HEG1: variants seen among roughly 807,000 people sequenced by gnomAD.
The protein encoded by HEG1 is protein HEG homolog 1.
A neutral mutation model predicts 125.6 loss-of-function variants in HEG1; 56 were observed. That is an observed-to-expected ratio of 0.45 (90% CI 0.36 to 0.56). HEG1 has a LOEUF of 0.56. Among genes scored for constraint, HEG1 ranks in the 20% least tolerant of loss-of-function variants. The pLI is 0.00. For synonymous variants in HEG1, 644 were observed against 668.5 expected, an observed-to-expected ratio of 0.96 and a Z score of 0.57; for missense variants, 1,523 against 1,670.0, an observed-to-expected ratio of 0.91 and a Z score of 1.53.
At chr3:124,999,728 C>T (rs1936973881) in intron 11 of HEG1, among the ~76,000 whole-genome samples, 1 of 152,238 alleles carries the variant, frequency 6.6e-6, no homozygotes, top group Admixed American at 6.5e-5. Flanking sequence ...CGTAGAATCC[C>T]ATTTTCATAT....
At chr3:125,033,404 A>C (rs1428981178) in intron 1 of HEG1, among the ~76,000 whole-genome samples, 1 of 152,154 alleles carries the variant, frequency 6.6e-6, no homozygotes, top group African/African-American at 2.4e-5. Context: ...TAAAGCTGGG[A>C]CTTTACACAG....
chr3:124,973,951 T>C, intron 15 of HEG1, 46 bp from the exon 16 acceptor site: 1 of 1,332,884 alleles, frequency 7.5e-7, no homozygotes, highest in Non-Finnish European at 1.1e-6. Flanking sequence ...CGTAAAGAAG[T>C]GATACTGTGA....
At position 125,002,279 on chromosome 3, in the gene HEG1, G is replaced by A. The variant is rs772126357; in HGVS notation, c.3334C>T (p.Arg1112Ter). The A allele has an allele frequency of 5.6e-6, 9 of 1,613,406 alleles. No homozygotes were observed. The highest frequency in any genetic ancestry group is 5.0e-5 in the Admixed American group (3 of 59,954). ...TACCTAGAGGCGTGAACTGTAGATC[G>A]GATGTAACTAGGTAACGCTGAAAAA... is the stretch of plus-strand genomic sequence containing the variant. Reference protein sequence around the residue: ...MCFSALPSYIRSTVHASRESN... With the variant: ...MCFSALPSYI The change falls in exon 10 of 17, where the codon CGA (arginine) becomes TGA (stop). Residue 1112 changes from arginine (R) to a stop codon, truncating the protein, a stop_gained. Coordinates refer to ENST00000311127, the MANE Select transcript of HEG1 (RefSeq NM_020733.2). LOFTEE classifies it high-confidence loss of function.
At chr3:125,007,891 A>C (rs1444226209) in intron 8 of HEG1, among the ~76,000 whole-genome samples, 37 of 152,200 alleles carry the variant, frequency 2.4e-4, no homozygotes, top group Admixed American at 2.4e-3. Context: ...AATGCAAGTA[A>C]ATTATTAGAA....
chr3:125,039,217 G>A (rs2107711299), intron 1 of HEG1, among the ~76,000 whole-genome samples: 1 of 151,928 alleles, frequency 6.6e-6, no homozygotes, highest in East Asian at 1.9e-4. Flanking sequence ...CACTTCTGTA[G>A]CGTCTTAATG....
intron 1 of HEG1, among the ~76,000 whole-genome samples, chr3:125,030,078 C>T (rs1171277719): frequency 6.6e-6 from 1 of 152,124 alleles, no homozygotes; most frequent in Non-Finnish European, 1.5e-5. Flanking sequence ...ACCTCTGGCA[C>T]CTGTGCAGGG....
rs1044751330 is a variant in HEG1, at chr3:125,027,432, C to T, written c.686G>A (p.Gly229Glu). 3.1e-6 allele frequency: 5 copies of T among 1,613,824 alleles called. No homozygotes were observed. The East Asian group carries it at 8.9e-5, about 29-fold the overall frequency. Residue 229 changes from glycine to glutamate, a missense_variant, in exon 3 of 17, where the codon GGA (glycine) becomes GAA (glutamate). Gly to Glu is a moderately conservative substitution (Grantham distance 98). Coordinates refer to ENST00000311127, the MANE Select transcript of HEG1 (RefSeq NM_020733.2). ...ERIAAFQTKS[G>E]TASEMGTERA... Reference sequence around the variant, plus strand: ...CTCTGTTCCCATCTCCGAGGCTGTTCCACTCTTTGTTTGAAAAGCGGCAAT... The same window carrying T: ...CTCTGTTCCCATCTCCGAGGCTGTTTCACTCTTTGTTTGAAAAGCGGCAAT...
rs1415096215 is a variant in HEG1 at position 124,967,536 on chromosome 3, A to T, written c.*3116T>A. 2.6e-5 allele frequency: 4 copies of T among 151,432 alleles called. No homozygotes were observed. Among genetic ancestry groups the T allele is most frequent in the Non-Finnish European group, 4.4e-5 (3 of 67,970 alleles). The allele number at this position is 151,432 out of a possible 1,614,324, so 9.4% of individuals were successfully genotyped here. The stretch of plus-strand genomic sequence containing the variant: ...AATAATATTAAGGTTCCTTAAAAAA[A>T]TAACTTATCTTTAAAGCCCTTTCTC... On this transcript the variant is annotated 3_prime_UTR_variant, in exon 17 of 17. Coordinates refer to ENST00000311127, the MANE Select transcript of HEG1 (RefSeq NM_020733.2).
At position 125,055,835 on chromosome 3, in the gene HEG1, G is replaced by T; in HGVS notation, c.56C>A (p.Pro19Gln). 4.1e-6 allele frequency: 4 copies of T among 980,450 alleles called. No homozygotes were observed. Among genetic ancestry groups the T allele is most frequent in the African/African-American group, 1.8e-5 (1 of 56,766 alleles). 60.7% of individuals were successfully genotyped at this position (980,450 alleles called of 1,614,324 possible). A position where few individuals can be genotyped will look rare whatever the true frequency, so the allele number is the denominator to read the frequency against. ...GGCCGCCGGCGGCAGCAGCAGCAGC[G>T]GCAGCAACAGCAGCAGGAGCGGCGG... ...WPPPLLLLLL[P>Q]LLLLPPAAPG... is the part of the protein sequence containing the mutation. Residue 19 changes from proline (P) to glutamine (Q), a missense_variant, in exon 1 of 17, where the codon CCG (proline) becomes CAG (glutamine). Physicochemically the swap from Pro to Gln is moderately conservative, Grantham distance 76. Transcript: ENST00000311127.
intron 1 of HEG1, among the ~76,000 whole-genome samples, chr3:125,050,924 T>C (rs1278588419): frequency 6.6e-6 from 1 of 152,204 alleles, no homozygotes; most frequent in Admixed American, 6.5e-5. Context: ...AGAGCATAGA[T>C]GTTCAAATGA....
At chr3:125,007,897 TA>T (rs918224417) in intron 8 of HEG1, among the ~76,000 whole-genome samples, 3 of 152,166 alleles carry the variant, frequency 2.0e-5, no homozygotes, top group African/African-American at 7.2e-5. Flanking sequence ...AGTAAATTAT[TA>T]GAATAAAAGA....
intron 1 of HEG1, among the ~76,000 whole-genome samples, chr3:125,040,711 CTT>C (rs3061175): frequency 0.19 from 28,245 of 147,840 alleles, 3,253 homozygotes; most frequent in Non-Finnish European, 0.27. Flanking sequence ...AGAAAACAGG[CTT>C]TTTTTTTTTT....
Position 125,021,112 on chromosome 3 carries a change from T to G in HEG1, c.932A>C (p.Lys311Thr), listed in dbSNP as rs1258110078. The G allele has an allele frequency of 6.4e-7, 1 of 1,569,082 alleles. No individual in the cohort carries two copies. The highest frequency in any genetic ancestry group is 8.7e-7 in the Non-Finnish European group (1 of 1,154,560). ...DLSSSSESTEKLNNSTGLQSS... is the reference protein window; with the variant it reads ...DLSSSSESTETLNNSTGLQSS... ...CTGGAGGCCAGTGGAGTTGTTAAGC[T>G]TCTCTGTACTTTCAGAAGCTACAAT... Residue 311 changes from lysine to threonine, a missense_variant, in exon 4 of 17, where the codon AAG (lysine) becomes ACG (threonine). Coordinates refer to ENST00000311127, the MANE Select transcript of HEG1 (RefSeq NM_020733.2).
At position 125,055,817 on chromosome 3, in the gene HEG1, GGCGGCAGCAGCAGCA is replaced by G; in HGVS notation, c.59_73del (p.Leu20_Pro24del). 1 of 979,556 alleles carries G rather than the reference GGCGGCAGCAGCAGCA, an allele frequency of 1.0e-6. No individual in the cohort carries two copies. The highest frequency in any genetic ancestry group is 1.2e-6 in the Non-Finnish European group (1 of 826,330). 60.7% of individuals were successfully genotyped at this position (979,556 alleles called of 1,614,324 possible). On this transcript the variant is annotated inframe_deletion, in exon 1 of 17. Coordinates refer to ENST00000311127, the MANE Select transcript of HEG1 (RefSeq NM_020733.2). ...CGGGTCCCGCGTCCCGGGGGCCGCCGGCGGCAGCAGCAGCAGCGGCAGCAACAGCAGCAGGAGCGG... is the reference window on the plus strand; with the variant it reads ...CGGGTCCCGCGTCCCGGGGGCCGCCGGCGGCAGCAACAGCAGCAGGAGCGG...
At chr3:125,007,078 A>C (rs1937081387) in intron 8 of HEG1, among the ~76,000 whole-genome samples, 1 of 150,440 alleles carries the variant, frequency 6.6e-6, no homozygotes, top group Non-Finnish European at 1.5e-5. Flanking sequence ...GGGCGCCTGT[A>C]GTCCCAGCTA....
At position 125,013,601 on chromosome 3, in the gene HEG1, A is replaced by G; in HGVS notation, c.1978T>C (p.Ser660Pro). The change falls in exon 6 of 17, where the codon TCC becomes CCC. Residue 660 changes from serine (S) to proline (P), a missense_variant. By Grantham distance (74) the Ser-to-Pro change is moderately conservative (BLOSUM62 -1). Transcript: ENST00000311127. ...GAGGAGGAGGAGGAAGAGGAGGAGG[A>G]GGAGTCACTAACAAACTCAGCATCA... ...DTDAEFVSDS[S>P]SSSSSSSSSS... The G allele has an allele frequency of 1.2e-6, 2 of 1,601,848 alleles. No individual in the cohort carries two copies. The highest frequency in any genetic ancestry group is 1.7e-6 in the Non-Finnish European group (2 of 1,174,068).
chr3:125,016,253 A>AC (rs1479425537), intron 5 of HEG1, among the ~76,000 whole-genome samples: 1 of 152,164 alleles, frequency 6.6e-6, no homozygotes. Context: ...CGGGCCAAGA[A>AC]CTCTAAAAGG....
At chr3:125,043,506 C>T (rs769979833) in intron 1 of HEG1, among the ~76,000 whole-genome samples, 9 of 152,040 alleles carry the variant, frequency 5.9e-5, no homozygotes, top group African/African-American at 1.2e-4. Context: ...AACAAAAAGG[C>T]TTTCTGCAGG....
At chr3:125,039,835 C>CAAAAAAAAAAAA (rs71996831) in intron 1 of HEG1, among the ~76,000 whole-genome samples, 2 of 132,400 alleles carry the variant, frequency 1.5e-5, no homozygotes, top group African/African-American at 2.9e-5. Context: ...AGAACAGAGC[C>CAAAAAAAAAAAA]AAAAAAAAAA....
Sources: allele counts gnomAD v4.1 joint callset (sites outside exome capture counted in the v4.1 genomes callset), GRCh38; gene constraint gnomAD v4.1.1; transcripts MANE v1.5; gene names NCBI Gene and HGNC (gene_info 2026-07-23, HGNC 2026-07-21).